WBP1L: variants seen among roughly 807,000 people sequenced by gnomAD.
WBP1L encodes WW domain binding protein 1 like.
A neutral mutation model predicts 33.7 loss-of-function variants in WBP1L; 17 were observed. The observed-to-expected ratio is 0.50, with a 90% CI of 0.34 to 0.76. WBP1L has a LOEUF of 0.76. Among genes scored for constraint, WBP1L ranks in the 30% least tolerant of loss-of-function variants. The probability of loss-of-function intolerance (pLI) is 0.01; values close to 1 mark genes in which losing one functional copy is unlikely to be tolerated. For missense variants in WBP1L, 389 were observed against 469.4 expected (o/e 0.83, Z 1.58); for synonymous variants, 173 against 190.8 (o/e 0.91, Z 0.77).
intron 1 of WBP1L, among the ~76,000 whole-genome samples, chr10:102,756,310 T>C (rs898050268): frequency 1.3e-5 from 2 of 151,980 alleles, no homozygotes; most frequent in Admixed American, 1.3e-4. Context: ...CTGAAGAGGC[T>C]GAGGCAGGAG....
chr10:102,794,846 A>G (rs924476180), intron 1 of WBP1L, among the ~76,000 whole-genome samples: 1 of 152,146 alleles, frequency 6.6e-6, no homozygotes, highest in Admixed American at 6.5e-5. Flanking sequence ...TGTCTCTCTG[A>G]AGGAACTCAC....
chr10:102,744,291 CGGT>C (rs1413457330), intron 1 of WBP1L, 148 bp downstream of exon 1: 1 of 1,258,756 alleles, frequency 7.9e-7, no homozygotes, highest in East Asian at 3.0e-5. Flanking sequence ...AAAGGGGCGT[CGGT>C]ATTTAGCTGA....
At position 102,775,766 on chromosome 10, in the gene WBP1L, A is replaced by C. The variant is rs548576054; in HGVS notation, c.91-22227A>C. ...ATGTCCTATTATTTACTGAGCACCG[A>C]CTCTGGCAGGGGTGGGGGTGGAAAA... On this transcript the variant is annotated intron_variant, in intron 1 of 3. Transcript: ENST00000448841. 3.3e-5 allele frequency among the ~76,000 whole-genome samples: 5 copies of C among 151,740 alleles called. No homozygotes were observed. The East Asian group carries it at 9.7e-4, about 30-fold the overall frequency.
chr10:102,813,334 C>T lies in WBP1L; in HGVS notation c.*3C>T, dbSNP rs1204512455. The T allele has an allele frequency of 6.3e-6, 10 of 1,599,786 alleles. No homozygotes were observed. In the African/African-American group the frequency reaches 1.1e-4, roughly 17 times the overall value. On this transcript the variant is annotated 3_prime_UTR_variant, in exon 4 of 4. Coordinates refer to ENST00000448841, the MANE Select transcript of WBP1L (RefSeq NM_001083913.2). The stretch of plus-strand genomic sequence containing the variant: ...AGAGCAGCAGCTCCCCCAGCTAGAG[C>T]AGGTCCTGCCAGCACCCAGCAACTT...
chr10:102,811,960 C>T (rs1322380625), intron 3 of WBP1L, among the ~76,000 whole-genome samples: 2 of 152,196 alleles, frequency 1.3e-5, no homozygotes, highest in Non-Finnish European at 2.9e-5. Flanking sequence ...ACTCACCTAG[C>T]ATGTTTTTAA....
chr10:102,784,565 A>G (rs975615460), intron 1 of WBP1L, among the ~76,000 whole-genome samples: 2 of 151,160 alleles, frequency 1.3e-5, no homozygotes, highest in African/African-American at 4.9e-5. Flanking sequence ...AGCTGGGACT[A>G]CAGGCGCCCG....
In WBP1L at chr10:102,809,890, C is replaced by A. The variant is rs570940594; in HGVS notation, c.194-3C>A. The A allele has an allele frequency of 1.2e-6, 2 of 1,608,788 alleles. No individual in the cohort carries two copies. The highest frequency in any genetic ancestry group is 1.7e-5 in the Admixed American group (1 of 59,114). On this transcript the variant is annotated splice_region_variant and splice_polypyrimidine_tract_variant and intron_variant, in intron 2 of 3. Transcript: ENST00000448841. ...TCTCTGTCTTGCCTTGCCCACCCCC[C>A]AGGGTTCTGGCTGGTGTGGACCATC...
At chr10:102,761,751 G>A (rs996561791) in intron 1 of WBP1L, among the ~76,000 whole-genome samples, 7 of 152,168 alleles carry the variant, frequency 4.6e-5, no homozygotes, top group African/African-American at 1.2e-4. Context: ...GTTTCACCAT[G>A]TTGGCCAGGC....
intron 1 of WBP1L, among the ~76,000 whole-genome samples, chr10:102,763,032 C>T (rs956880958): frequency 1.3e-5 from 2 of 151,936 alleles, no homozygotes; most frequent in Non-Finnish European, 2.9e-5. Context: ...TGGTCAAACC[C>T]TGTCTCTACA....
intron 2 of WBP1L, among the ~76,000 whole-genome samples, chr10:102,808,911 A>G (rs904454733): frequency 3.3e-5 from 5 of 152,154 alleles, no homozygotes; most frequent in African/African-American, 1.2e-4. Flanking sequence ...AAATCTCTTA[A>G]GAGAGGAGGA....
chr10:102,776,224 G>A, intron 1 of WBP1L: 1 of 1,521,752 alleles, frequency 6.6e-7, no homozygotes, highest in Admixed American at 2.0e-5. Flanking sequence ...AGGAGACAGT[G>A]TGCCTGCTCG....
intron 1 of WBP1L, among the ~76,000 whole-genome samples, chr10:102,773,035 C>T (rs559882915): frequency 6.6e-6 from 1 of 151,178 alleles, no homozygotes; most frequent in East Asian, 2.0e-4. Flanking sequence ...TTTGGCTCAT[C>T]ATGTATGAGG....
intron 1 of WBP1L, among the ~76,000 whole-genome samples, chr10:102,791,312 G>A (rs1253358299): frequency 6.6e-6 from 1 of 152,096 alleles, no homozygotes; most frequent in Non-Finnish European, 1.5e-5. Context: ...TATAGCCAGG[G>A]TTTTATAGCA....
intron 3 of WBP1L, among the ~76,000 whole-genome samples, chr10:102,810,664 T>G (rs1281395210): frequency 1.4e-5 from 2 of 146,308 alleles, no homozygotes; most frequent in Admixed American, 7.2e-5. Context: ...CTTTCCAGGT[T>G]CAAGCGATTC....
intron 1 of WBP1L, among the ~76,000 whole-genome samples, chr10:102,769,960 G>A (rs1176181030): frequency 6.6e-6 from 1 of 152,188 alleles, no homozygotes; most frequent in Non-Finnish European, 1.5e-5. Flanking sequence ...CCAGAAGCAG[G>A]AGAGGTGTGT....
intron 1 of WBP1L, among the ~76,000 whole-genome samples, chr10:102,758,033 C>T (rs576740739): frequency 9.9e-5 from 15 of 151,774 alleles, no homozygotes; most frequent in East Asian, 9.7e-4. Flanking sequence ...TACAGGCGCC[C>T]GCTACCACGC....
chr10:102,767,319 A>C (rs760228400), intron 1 of WBP1L, among the ~76,000 whole-genome samples: 1 of 152,242 alleles, frequency 6.6e-6, no homozygotes, highest in Non-Finnish European at 1.5e-5. Flanking sequence ...CAGAAACCTT[A>C]GGAAGCTGTT....
intron 1 of WBP1L, among the ~76,000 whole-genome samples, chr10:102,788,974 T>G (rs1843458840): frequency 6.6e-6 from 1 of 152,182 alleles, no homozygotes; most frequent in African/African-American, 2.4e-5. Flanking sequence ...ATTTATTTTT[T>G]ACTGAGACGG....
chr10:102,796,188 T>G (rs1345571410), intron 1 of WBP1L, among the ~76,000 whole-genome samples: 7 of 136,546 alleles, frequency 5.1e-5, no homozygotes, highest in Non-Finnish European at 9.5e-5. Flanking sequence ...CATGGGAGGG[T>G]GGTGGTGGGG....
Sources: allele counts gnomAD v4.1 joint callset (sites outside exome capture counted in the v4.1 genomes callset), GRCh38; gene constraint gnomAD v4.1.1; transcripts MANE v1.5; gene names NCBI Gene and HGNC (gene_info 2026-07-23, HGNC 2026-07-21).